The following ABCB9 variants were observed in gnomAD, a reference collection of about 807,000 sequenced individuals.
The protein encoded by ABCB9 is ATP binding cassette subfamily B member 9.
A neutral mutation model predicts 62.0 loss-of-function variants in ABCB9; 36 were observed. The observed-to-expected ratio is 0.58, with a 90% CI of 0.45 to 0.77. ABCB9 has a LOEUF of 0.77. ABCB9 is among the 30% of genes least tolerant of loss of function. ABCB9 has a pLI of 0.00. For missense variants in ABCB9, 943 were observed against 1,054.7 expected, an observed-to-expected ratio of 0.89 and a Z score of 1.47; for synonymous variants, 435 against 461.4, an observed-to-expected ratio of 0.94 and a Z score of 0.73.
In ABCB9 at chr12:122,935,275, T is replaced by C. The variant is rs1319276730; in HGVS notation, c.1900A>G (p.Thr634Ala). Reference sequence around the variant, plus strand: ...GGGGCCACCCCCAGCTCCACACCTGTGCTGTAGCCGTCCTGGAGTTCCATG... The same window carrying C: ...GGGGCCACCCCCAGCTCCACACCTGCGCTGTAGCCGTCCTGGAGTTCCATG... ...FIMELQDGYS[T>A]ETGEKGAQLS... Residue 634 changes from threonine to alanine, a missense_variant, in exon 10 of 12, where the codon ACA becomes GCA. By Grantham distance (58) the Thr-to-Ala change is moderately conservative. Coordinates refer to ENST00000280560, the MANE Select transcript of ABCB9 (RefSeq NM_019625.4). 2 of 1,606,612 alleles carry C rather than the reference T, an allele frequency of 1.2e-6. No individual in the cohort carries two copies. Among genetic ancestry groups the C allele is most frequent in the Non-Finnish European group, 1.7e-6 (2 of 1,176,184 alleles).
At position 122,949,859 on chromosome 12, in the gene ABCB9, A is replaced by G; in HGVS notation, c.776T>C (p.Ile259Thr). ...GCGGAAGAGACAGTTTCGAAGGCGA[A>G]TGTTCAGTCTGGCAAATATGAGGGT... ...IFTLIFARLN[I>T]RLRNCLFRSL... Residue 259 changes from isoleucine (I) to threonine (T), a missense_variant, in exon 4 of 12, where the codon ATT becomes ACT. By Grantham distance (89) the Ile-to-Thr change is moderately conservative (BLOSUM62 -1). Coordinates refer to ENST00000280560, the MANE Select transcript of ABCB9 (RefSeq NM_019625.4). 2 of 1,614,200 alleles carry G rather than the reference A, an allele frequency of 1.2e-6. No homozygotes were observed. Among genetic ancestry groups the G allele is most frequent in the South Asian group, 2.2e-5 (2 of 91,088 alleles).
intron 1 of ABCB9, among the ~76,000 whole-genome samples, chr12:122,962,658 G>T (rs2036969180): frequency 6.6e-6 from 1 of 152,208 alleles, no homozygotes; most frequent in African/African-American, 2.4e-5. Flanking sequence ...TAGGACCCCA[G>T]CATCTGCCTC....
chr12:122,949,136 TCTC>T, intron 4 of ABCB9: 1 of 247,332 alleles, frequency 4.0e-6, no homozygotes, highest in Non-Finnish European at 7.8e-6. Context: ...CAAACCCATG[TCTC>T]CTCCCTGTCA....
At position 122,949,895 on chromosome 12, in the gene ABCB9, C is replaced by T; in HGVS notation, c.740G>A (p.Gly247Asp). 6.2e-7 allele frequency: 1 copy of T among 1,614,168 alleles called. No individual in the cohort carries two copies. Among genetic ancestry groups the T allele is most frequent in the Non-Finnish European group, 8.5e-7 (1 of 1,179,988 alleles). ...IGSSFAAGIR[G>D]GIFTLIFARL... ...GGCAAATATGAGGGTAAAAATGCCG[C>T]CCCGAATACCTGCGGCAAATGAGCT... The change falls in exon 4 of 12, where the codon GGC becomes GAC. Residue 247 changes from glycine (G) to aspartate (D), a missense_variant. Physicochemically the swap from Gly to Asp is moderately conservative, Grantham distance 94. Coordinates refer to ENST00000280560, the MANE Select transcript of ABCB9 (RefSeq NM_019625.4).
chr12:122,923,442 A>C (rs2034803847), intron 11 of ABCB9, among the ~76,000 whole-genome samples: 1 of 151,692 alleles, frequency 6.6e-6, no homozygotes, highest in Non-Finnish European at 1.5e-5. Context: ...ACCCGCCACC[A>C]CGCCCGGCTA....
At chr12:122,934,226 C>T (rs543036593) in intron 10 of ABCB9, among the ~76,000 whole-genome samples, 6 of 152,194 alleles carry the variant, frequency 3.9e-5, no homozygotes, top group African/African-American at 1.2e-4. Context: ...CCAGCCTGGG[C>T]GACAGAGTGA....
intron 7 of ABCB9, among the ~76,000 whole-genome samples, chr12:122,942,377 CAGA>C (rs2035809157): frequency 6.6e-6 from 1 of 151,912 alleles, no homozygotes; most frequent in South Asian, 2.1e-4. Flanking sequence ...CATTTGAGGT[CAGA>C]AGTTCGAGAT....
At chr12:122,921,585 TG>T (rs2034748267) in intron 11 of ABCB9, among the ~76,000 whole-genome samples, 1 of 152,180 alleles carries the variant, frequency 6.6e-6, no homozygotes, top group African/African-American at 2.4e-5. Flanking sequence ...GAGACCAGCC[TG>T]GCCAACATGA....
At chr12:122,922,630 TGGCC>T in intron 11 of ABCB9, among the ~76,000 whole-genome samples, 1 of 152,336 alleles carries the variant, frequency 6.6e-6, no homozygotes, top group Admixed American at 6.5e-5. Context: ...CCGCTCACCT[TGGCC>T]TCCCAAAGTG....
At chr12:122,958,764 C>T (rs2036741799) in intron 2 of ABCB9, among the ~76,000 whole-genome samples, 1 of 151,996 alleles carries the variant, frequency 6.6e-6, no homozygotes, top group African/African-American at 2.4e-5. Flanking sequence ...ATTACTTGAG[C>T]CTGGGAGGTT....
At position 122,946,048 on chromosome 12, in the gene ABCB9, T is replaced by C. The variant is rs763883627; in HGVS notation, c.1228A>G (p.Met410Val). ...KLNRKEAAAYMYYVWGSGLTL... is the reference protein window; with the variant it reads ...KLNRKEAAAYVYYVWGSGLTL... ...ACCCCGCTGCCCCAGACGTAGTACA[T>C]GTAGGCAGCTGCCTCCTTCCTGTTC... Residue 410 changes from methionine (M) to valine (V), a missense_variant, in exon 6 of 12, where the codon ATG becomes GTG. By Grantham distance (21) the Met-to-Val change is conservative. Coordinates refer to ENST00000280560, the MANE Select transcript of ABCB9 (RefSeq NM_019625.4). The C allele has an allele frequency of 3.1e-6, 5 of 1,613,826 alleles. No individual in the cohort carries two copies. In the Admixed American group the frequency reaches 5.0e-5, roughly 16 times the overall value.
rs537425778 is a variant in ABCB9, at chr12:122,972,182, C to A, written c.-88+2533G>T. Reference sequence around the variant, plus strand: ...GCCTCAGCCTCCCGAGCAGCTGGGACTACAGACGCCAGCCACCGCGCCCGG... The same window carrying A: ...GCCTCAGCCTCCCGAGCAGCTGGGAATACAGACGCCAGCCACCGCGCCCGG... On this transcript the variant is annotated intron_variant, in intron 1 of 11. Coordinates refer to the ABCB9 transcript ENST00000392439. Among the ~76,000 whole-genome samples the A allele has an allele frequency of 8.0e-4, 120 of 150,092 alleles. 1 individual carries two copies. The highest frequency in any genetic ancestry group is 2.7e-3 in the African/African-American group (111 of 40,840).
chr12:122,930,175 C>T lies in ABCB9; in HGVS notation c.2041-4G>A, dbSNP rs769259986. 10 of 1,541,642 alleles carry T rather than the reference C, an allele frequency of 6.5e-6. No homozygotes were observed. Among genetic ancestry groups the T allele is most frequent in the African/African-American group, 1.4e-5 (1 of 72,946 alleles). On this transcript the variant is annotated splice_region_variant and splice_polypyrimidine_tract_variant and intron_variant, in intron 11 of 11. Coordinates refer to ENST00000280560, the MANE Select transcript of ABCB9 (RefSeq NM_019625.4). This position sits in a 1 kb window ranked among gnomAD's most constrained non-coding sequence, Gnocchi z 4.9. ...TGCCATGGATGGCCTGCTGGATCTG[C>T]GGGGACAGTGGGGGCCTGGCTTGCA...
intron 4 of ABCB9, among the ~76,000 whole-genome samples, chr12:122,949,567 C>T (rs1336803509): frequency 6.6e-6 from 1 of 152,220 alleles, no homozygotes; most frequent in Admixed American, 6.5e-5. Context: ...GGTGGCCTGG[C>T]CTGGGCCCCA....
At chr12:122,950,856 GTTT>G (rs1319362641) in intron 2 of ABCB9, 9 of 345,734 alleles carry the variant, frequency 2.6e-5, no homozygotes, top group Admixed American at 2.4e-4. Context: ...TCATTCTCTT[GTTT>G]TTTGAGACAG....
chr12:122,926,669 G>A (rs2064565092), downstream of ABCB9, among the ~76,000 whole-genome samples: 1 of 151,692 alleles, frequency 6.6e-6, no homozygotes, highest in South Asian at 2.1e-4. Flanking sequence ...TGGGAGGATT[G>A]ATTGAGGCCA....
At chr12:122,925,739 C>T (rs1593957681), downstream of ABCB9, among the ~76,000 whole-genome samples, 2 of 152,288 alleles carry the variant, frequency 1.3e-5, no homozygotes, top group South Asian at 4.1e-4. Context: ...CAGAGCGAGA[C>T]TCCGTCTCAA....
rs780914953 is a variant in ABCB9, at chr12:122,944,379, C to G, written c.1380+12G>C. Reference sequence around the variant, plus strand: ...CCTTCTCTCTGGATCCCCGGACACACTGGCCTCTCACCTCCATACAATCTC... The same window carrying G: ...CCTTCTCTCTGGATCCCCGGACACAGTGGCCTCTCACCTCCATACAATCTC... On this transcript the variant is annotated intron_variant, in intron 7 of 11. Transcript: ENST00000280560. The surrounding 1 kb of genome is among the most constrained non-coding windows in gnomAD (Gnocchi z 4.9). 3.1e-6 allele frequency: 5 copies of G among 1,610,034 alleles called. No homozygotes were observed. Among genetic ancestry groups the G allele is most frequent in the Non-Finnish European group, 4.2e-6 (5 of 1,177,306 alleles).
chr12:122,943,725 G>A (rs1228715708), intron 7 of ABCB9, among the ~76,000 whole-genome samples: 1 of 152,046 alleles, frequency 6.6e-6, no homozygotes, highest in Non-Finnish European at 1.5e-5. Flanking sequence ...TGCCTCCCGG[G>A]TTCAAGCGAT....
Sources: gnomAD v4.1 joint callset for allele counts (sites outside exome capture counted in the v4.1 genomes callset) on GRCh38, gnomAD v4.1.1 for gene constraint, Gnocchi (gnomAD v3.1) non-coding constraint, MANE v1.5 for transcripts, NCBI Gene and HGNC (gene_info 2026-07-23, HGNC 2026-07-21) for gene names.